BLTP2: variants seen among roughly 807,000 people sequenced by gnomAD.
The protein encoded by BLTP2 is bridge-like lipid transfer protein family member 2.
chr17:28,641,744 C>G, the BLTP2 span: 1 of 717,946 alleles, frequency 1.4e-6, no homozygotes, highest in Non-Finnish European at 2.3e-6. Flanking sequence ...AGCAAATGCC[C>G]TATTTCCTCT....
At chr17:28,620,035 A>T in the BLTP2 span, 1 of 1,596,362 alleles carries the variant, frequency 6.3e-7, no homozygotes, top group Non-Finnish European at 8.5e-7. Context: ...TGGAAAGGGA[A>T]ATGAATATGA....
At chr17:28,644,492 A>G in the BLTP2 span, among the ~76,000 whole-genome samples, 1 of 152,230 alleles carries the variant, frequency 6.6e-6, no homozygotes, top group African/African-American at 2.4e-5. Context: ...CAAGAGTCAA[A>G]GCGGAGGCGG....
the BLTP2 span, chr17:28,619,509 T>C: frequency 1.0e-6 from 1 of 986,888 alleles, no homozygotes; most frequent in Non-Finnish European, 1.5e-6. Context: ...CCCATTTTCT[T>C]ATTCAGGAAG....
the BLTP2 span, chr17:28,644,290 T>C: frequency 7.9e-7 from 1 of 1,262,240 alleles, no homozygotes. Flanking sequence ...TTCCTGAAAC[T>C]GGATCTGAGC....
At chr17:28,635,071 T>A in the BLTP2 span, 1 of 1,613,178 alleles carries the variant, frequency 6.2e-7, no homozygotes. Flanking sequence ...CACAGCCTCA[T>A]CTAGAGTTCG....
the BLTP2 span, chr17:28,639,416 G>C: frequency 1.9e-6 from 3 of 1,613,636 alleles, no homozygotes; most frequent in African/African-American, 1.3e-5. Flanking sequence ...AGTGAATGAT[G>C]CAAGTGTTCA....
the BLTP2 span, chr17:28,624,284 C>T: frequency 6.2e-7 from 1 of 1,614,220 alleles, no homozygotes; most frequent in Non-Finnish European, 8.5e-7. Flanking sequence ...TGTCATCCGT[C>T]TGGCAGGCAG....
chr17:28,639,901 C>T, the BLTP2 span: 2 of 1,614,090 alleles, frequency 1.2e-6, no homozygotes, highest in Non-Finnish European at 1.7e-6. Context: ...ACCCATGAAC[C>T]TTCCAGCAGC....
chr17:28,637,768 T>C, the BLTP2 span: 1 of 1,515,236 alleles, frequency 6.6e-7, no homozygotes, highest in Non-Finnish European at 9.0e-7. Flanking sequence ...GCCTCCTGGG[T>C]TGAAGTGATT....
chr17:28,632,633 T>C, the BLTP2 span, among the ~76,000 whole-genome samples: 1 of 152,150 alleles, frequency 6.6e-6, no homozygotes, highest in African/African-American at 2.4e-5. Context: ...CTATGAGGAA[T>C]GGGCCCTCAC....
At chr17:28,632,071 G>A in the BLTP2 span, 1 of 1,614,014 alleles carries the variant, frequency 6.2e-7, no homozygotes. Context: ...AAAGAGGGCT[G>A]TATAGGAAAG....
chr17:28,617,700 C>G, the BLTP2 span, among the ~76,000 whole-genome samples: 1 of 152,326 alleles, frequency 6.6e-6, no homozygotes, highest in East Asian at 1.9e-4. Context: ...GGCCATACTT[C>G]TAGGGATCAT....
chr17:28,643,047 A>G, the BLTP2 span: 3 of 1,528,024 alleles, frequency 2.0e-6, no homozygotes. Flanking sequence ...CTTCCTTTCC[A>G]GATGAGAAAG....
chr17:28,633,757 G>A, the BLTP2 span: 1 of 1,612,608 alleles, frequency 6.2e-7, no homozygotes, highest in Non-Finnish European at 8.5e-7. Flanking sequence ...TTCCGCTGGG[G>A]TAGAGGAACA....
the BLTP2 span, chr17:28,638,304 G>T: frequency 1.2e-6 from 2 of 1,613,530 alleles, no homozygotes; most frequent in Non-Finnish European, 1.7e-6. Flanking sequence ...ATGCATATTG[G>T]GTGGGTGTGG....
chr17:28,617,350 A>C, the BLTP2 span: 1 of 1,531,548 alleles, frequency 6.5e-7, no homozygotes, highest in African/African-American at 1.4e-5. Context: ...CATCTACTAT[A>C]ATAAACCTTT....
chr17:28,617,931 C>CTTTTTT, the BLTP2 span, among the ~76,000 whole-genome samples: 4 of 128,698 alleles, frequency 3.1e-5, no homozygotes, highest in Admixed American at 7.8e-5. Flanking sequence ...ACCCAATTTT[C>CTTTTTT]TTTTTTTTTT....
the BLTP2 span, chr17:28,623,855 T>C: frequency 6.2e-7 from 1 of 1,614,202 alleles, no homozygotes; most frequent in Non-Finnish European, 8.5e-7. Context: ...CAGGATGTCT[T>C]TTGCTTCAAT....
At chr17:28,639,446 G>C in the BLTP2 span, 2 of 1,612,194 alleles carry the variant, frequency 1.2e-6, no homozygotes, top group Non-Finnish European at 1.7e-6. Context: ...AGGCTGAGAG[G>C]TCAATGGTGG....
Sources: allele counts gnomAD v4.1 joint callset (sites outside exome capture counted in the v4.1 genomes callset), GRCh38; gene constraint gnomAD v4.1.1; transcripts MANE v1.5; gene names NCBI Gene and HGNC (gene_info 2026-07-23, HGNC 2026-07-21).